The following ROR1 variants were observed in gnomAD, a reference collection of about 807,000 sequenced individuals.
ROR1 encodes the protein inactive tyrosine-protein kinase transmembrane receptor ROR1.
ROR1 carries 19 observed loss-of-function variants against 78.8 expected under a neutral mutation model. The ratio of observed to expected loss-of-function variants is 0.24; its 90% CI spans 0.17 to 0.35. The LOEUF is 0.35. Ranked by LOEUF, ROR1 falls within the 10% of genes least tolerant of loss-of-function variation. ROR1 has a pLI of 1.00. For synonymous variants in ROR1, 386 were observed against 433.6 expected, an observed-to-expected ratio of 0.89 and a Z score of 1.36; for missense variants, 917 against 1,177.8, an observed-to-expected ratio of 0.78 and a Z score of 3.24.
chr1:64,130,869 G>A (rs537188997), intron 4 of ROR1, among the ~76,000 whole-genome samples: 34 of 152,312 alleles, frequency 2.2e-4, no homozygotes, highest in African/African-American at 8.2e-4. Context: ...CCCTCCCAAG[G>A]GAGAAGAACG....
At chr1:64,149,708 T>G (rs1649567793) in intron 7 of ROR1, among the ~76,000 whole-genome samples, 1 of 152,230 alleles carries the variant, frequency 6.6e-6, no homozygotes, top group Non-Finnish European at 1.5e-5. Flanking sequence ...TGCTTTCACC[T>G]TTTGTTGTGG....
intron 1 of ROR1, among the ~76,000 whole-genome samples, chr1:63,920,140 G>T (rs1033795352): frequency 6.6e-6 from 1 of 152,194 alleles, no homozygotes; most frequent in Non-Finnish European, 1.5e-5. Context: ...GAGAAACATT[G>T]TTGGGCAGGA....
At chr1:64,129,385 G>A (rs866624941) in intron 4 of ROR1, among the ~76,000 whole-genome samples, 1 of 152,186 alleles carries the variant, frequency 6.6e-6, no homozygotes, top group Middle Eastern at 3.2e-3. Context: ...TGCCTAGATT[G>A]GTATGTGTGA....
chr1:63,795,023 G>A (rs942318651), intron 1 of ROR1, among the ~76,000 whole-genome samples: 1 of 152,190 alleles, frequency 6.6e-6, no homozygotes, highest in African/African-American at 2.4e-5. Context: ...GAGGCTGCCT[G>A]TGTGTGCAGA....
chr1:64,159,201 A>C lies in ROR1; in HGVS notation c.1386+9A>C. ...ATGCATATAAACCCAAGGTAATGTT[A>C]GCAGTACAGAGCTACATTTGTTCCG... On this transcript the variant is annotated intron_variant, in intron 8 of 8. Transcript: ENST00000371079. The C allele has an allele frequency of 6.3e-7, 1 of 1,590,360 alleles. No homozygotes were observed. The highest frequency in any genetic ancestry group is 8.6e-7 in the Non-Finnish European group (1 of 1,158,332).
chr1:63,829,820 C>G (rs1392985227), intron 1 of ROR1, among the ~76,000 whole-genome samples: 1 of 152,080 alleles, frequency 6.6e-6, no homozygotes, highest in African/African-American at 2.4e-5. Context: ...GTGACTTGGT[C>G]TGACTTTCAT....
At position 64,108,097 on chromosome 1, in the gene ROR1, T is replaced by C. The variant is rs184777984; in HGVS notation, c.483-29272T>C. On this transcript the variant is annotated intron_variant, in intron 4 of 8. Transcript: ENST00000371079. ...GTGTGTGTGTGTGTGTGTGTGTGTG[T>C]GTTTAAATCACTGTTTAGGCTGGGC... Among the ~76,000 whole-genome samples, 122 of 147,772 alleles carry C rather than the reference T, an allele frequency of 8.3e-4. 1 individual carries two copies. The East Asian group carries it at 0.017, about 20-fold the overall frequency.
intron 1 of ROR1, among the ~76,000 whole-genome samples, chr1:63,846,177 A>G (rs1033351361): frequency 6.8e-6 from 1 of 147,612 alleles, no homozygotes; most frequent in Admixed American, 6.8e-5. Context: ...TGTGTTTGAG[A>G]AATCAGCAGC....
At chr1:64,021,672 T>C (rs1646566349) in intron 2 of ROR1, among the ~76,000 whole-genome samples, 1 of 152,224 alleles carries the variant, frequency 6.6e-6, no homozygotes, top group Admixed American at 6.5e-5. Context: ...TATTTATTTC[T>C]AAAATAATAA....
chr1:63,774,619 C>T lies in ROR1; in HGVS notation c.91+111C>T. ...AGGAAGCGCCGCGCTGGCTCCGGGGCGCGTCCGGCCACCCGCCACGGGGCT... is the reference window on the plus strand; with the variant it reads ...AGGAAGCGCCGCGCTGGCTCCGGGGTGCGTCCGGCCACCCGCCACGGGGCT... On this transcript the variant is annotated intron_variant, in intron 1 of 8. Coordinates refer to ENST00000371079, the MANE Select transcript of ROR1 (RefSeq NM_005012.4). The surrounding 1 kb of genome is among the most constrained non-coding windows in gnomAD (Gnocchi z 5.7). 2.1e-6 allele frequency: 1 copy of T among 483,316 alleles called. No individual in the cohort carries two copies. The highest frequency in any genetic ancestry group is 2.7e-6 in the Non-Finnish European group (1 of 370,696). 29.9% of individuals were successfully genotyped at this position (483,316 alleles called of 1,614,324 possible). A position where few individuals can be genotyped will look rare whatever the true frequency, so the allele number is the denominator to read the frequency against.
intron 1 of ROR1, among the ~76,000 whole-genome samples, chr1:63,950,433 G>A (rs570407718): frequency 2.6e-5 from 4 of 152,200 alleles, no homozygotes; most frequent in Admixed American, 6.5e-5. Flanking sequence ...GGGAGTTTAA[G>A]TATGGTAATG....
chr1:63,957,249 G>A (rs1645990699), intron 1 of ROR1, among the ~76,000 whole-genome samples: 1 of 152,196 alleles, frequency 6.6e-6, no homozygotes, highest in Admixed American at 6.5e-5. Context: ...AACTGCCAGT[G>A]TTACTATGTC....
intron 1 of ROR1, among the ~76,000 whole-genome samples, chr1:63,993,302 A>G (rs1646311193): frequency 6.6e-6 from 1 of 152,228 alleles, no homozygotes; most frequent in African/African-American, 2.4e-5. Flanking sequence ...GTCATTTGAC[A>G]GAGGAATCTT....
At chr1:64,011,511 G>A (rs544560781) in intron 2 of ROR1, among the ~76,000 whole-genome samples, 56 of 152,320 alleles carry the variant, frequency 3.7e-4, no homozygotes, top group Admixed American at 3.5e-3. Context: ...AAGAAAGGCA[G>A]CAGAGCCAGC....
intron 7 of ROR1, among the ~76,000 whole-genome samples, chr1:64,154,880 C>T (rs930965088): frequency 1.4e-4 from 21 of 152,258 alleles, no homozygotes; most frequent in African/African-American, 4.1e-4. Flanking sequence ...GTGTCCATTA[C>T]CCTTTAAAAT....
chr1:64,153,700 T>C (rs972428316), intron 7 of ROR1, among the ~76,000 whole-genome samples: 2 of 151,756 alleles, frequency 1.3e-5, no homozygotes, highest in Admixed American at 6.6e-5. Context: ...CCTAAAATAG[T>C]CAAAATCAGA....
intron 4 of ROR1, among the ~76,000 whole-genome samples, chr1:64,062,606 C>T (rs58330478): frequency 0.011 from 1,675 of 152,150 alleles, 34 homozygotes; most frequent in African/African-American, 0.035. Flanking sequence ...CCACTGTGCC[C>T]GGCCCATGTG....
Position 63,861,882 on chromosome 1 carries a change from G to A in ROR1, c.91+87374G>A, listed in dbSNP as rs1488951550. ...TTCTGTGATAATATAGGACTTTAGA[G>A]TGGAGACGCCTTTCCTGACAAGTCT... On this transcript the variant is annotated intron_variant, in intron 1 of 8. Transcript: ENST00000371079. Among the ~76,000 whole-genome samples the A allele has an allele frequency of 2.0e-5, 3 of 152,156 alleles. No individual in the cohort carries two copies. The East Asian group carries it at 5.8e-4, about 29-fold the overall frequency.
chr1:64,119,718 G>GTT (rs1553159644), intron 4 of ROR1, among the ~76,000 whole-genome samples: 2 of 151,976 alleles, frequency 1.3e-5, no homozygotes, highest in Non-Finnish European at 2.9e-5. Context: ...CATGGCACAT[G>GTT]TGTTAAAGGT....
Sources: gnomAD v4.1 joint callset for allele counts (sites outside exome capture counted in the v4.1 genomes callset) on GRCh38, gnomAD v4.1.1 for gene constraint, Gnocchi (gnomAD v3.1) non-coding constraint, MANE v1.5 for transcripts, NCBI Gene and HGNC (gene_info 2026-07-23, HGNC 2026-07-21) for gene names.